GMDS: variants seen among roughly 807,000 people sequenced by gnomAD.
GMDS encodes the protein GDP-mannose 4,6 dehydratase.
Under a neutral mutation model 49.9 loss-of-function variants are expected in GMDS, and 20 were observed. The observed-to-expected ratio is 0.40, with a 90% CI of 0.28 to 0.58. The LOEUF (loss-of-function observed/expected upper bound fraction) is 0.58. Ranked by LOEUF, GMDS falls within the 20% of genes least tolerant of loss-of-function variation. The pLI, the probability that GMDS is intolerant of heterozygous loss-of-function variation, is 0.42. For synonymous variants in GMDS, 177 were observed against 178.6 expected, an observed-to-expected ratio of 0.99 and a Z score of 0.07; for missense variants, 362 against 481.4, an observed-to-expected ratio of 0.75 and a Z score of 2.32.
At chr6:2,194,212 T>C (rs1779182430) in intron 1 of GMDS, among the ~76,000 whole-genome samples, 1 of 152,146 alleles carries the variant, frequency 6.6e-6, no homozygotes, top group South Asian at 2.1e-4. Context: ...TTAAGGTGCT[T>C]CTGTATTCTC....
chr6:1,929,376 T>C (rs1308094403), intron 7 of GMDS, among the ~76,000 whole-genome samples: 2 of 152,156 alleles, frequency 1.3e-5, no homozygotes, highest in African/African-American at 4.8e-5. Flanking sequence ...AGAACCAACA[T>C]GGATATTTAA....
chr6:1,767,155 C>T (rs546508518), intron 7 of GMDS, among the ~76,000 whole-genome samples: 1 of 152,220 alleles, frequency 6.6e-6, no homozygotes, highest in South Asian at 2.1e-4. Context: ...ATGTAAACCA[C>T]AAAGGGAATA....
In GMDS at chr6:1,833,922, G is replaced by A. The variant is rs3800086; in HGVS notation, c.772-91336C>T. Among the ~76,000 whole-genome samples the A allele has an allele frequency of 0.074, 11,310 of 152,066 alleles. 463 individuals carry two copies. The highest frequency in any genetic ancestry group is 0.11 in the South Asian group (548 of 4,822). On this transcript the variant is annotated intron_variant, in intron 7 of 10. Transcript: ENST00000380815. This position sits in a 1 kb window ranked among gnomAD's most constrained non-coding sequence, Gnocchi z 4.4. ...TCCTTAAAATCACAATGCATATATC[G>A]CATCAAATCCATAGAACAACTCTAA...
At chr6:1,970,336 A>G (rs1764528080) in intron 4 of GMDS, among the ~76,000 whole-genome samples, 1 of 152,224 alleles carries the variant, frequency 6.6e-6, no homozygotes, top group South Asian at 2.1e-4. Context: ...ACGTTCCATC[A>G]TGAACCAGTT....
At chr6:1,648,802 G>A (rs927413866) in intron 9 of GMDS, among the ~76,000 whole-genome samples, 7 of 152,216 alleles carry the variant, frequency 4.6e-5, no homozygotes, top group East Asian at 1.9e-4. Context: ...CTATTACGGC[G>A]ATCACTGGCC....
intron 9 of GMDS, among the ~76,000 whole-genome samples, chr6:1,680,521 G>C (rs1004641500): frequency 7.5e-6 from 1 of 132,578 alleles, no homozygotes; most frequent in African/African-American, 2.7e-5. Context: ...GTTCTGATCC[G>C]GCACCGTGAC....
At chr6:1,812,653 A>T (rs1561820018) in intron 7 of GMDS, among the ~76,000 whole-genome samples, 1 of 151,812 alleles carries the variant, frequency 6.6e-6, no homozygotes, top group Non-Finnish European at 1.5e-5. Flanking sequence ...CAGTTCCCAA[A>T]CCCCCCACCG....
chr6:2,118,153 G>A (rs955408506), intron 2 of GMDS, among the ~76,000 whole-genome samples: 2 of 152,000 alleles, frequency 1.3e-5, no homozygotes, highest in East Asian at 1.9e-4. Flanking sequence ...AACGAAGAGA[G>A]GATTCTTAAA....
At chr6:1,722,327 T>C (rs372586699) in intron 9 of GMDS, among the ~76,000 whole-genome samples, 2 of 151,208 alleles carry the variant, frequency 1.3e-5, no homozygotes, top group African/African-American at 4.9e-5. Flanking sequence ...GACCTTGTGA[T>C]CTGCCCGCCT....
intron 9 of GMDS, among the ~76,000 whole-genome samples, chr6:1,654,563 A>C (rs941439559): frequency 6.6e-6 from 1 of 152,232 alleles, no homozygotes; most frequent in Non-Finnish European, 1.5e-5. Context: ...AGAGTAGTCA[A>C]ATTCATAAAG....
intron 1 of GMDS, among the ~76,000 whole-genome samples, chr6:2,126,361 G>A (rs541706642): frequency 6.6e-6 from 1 of 152,142 alleles, no homozygotes; most frequent in Admixed American, 6.5e-5. Flanking sequence ...GGTTTTCTTC[G>A]GTTTCTTCAA....
At chr6:2,066,578 G>A (rs570600541) in intron 4 of GMDS, among the ~76,000 whole-genome samples, 2 of 151,832 alleles carry the variant, frequency 1.3e-5, no homozygotes, top group East Asian at 1.9e-4. Flanking sequence ...GATCTACCAA[G>A]CAAATGGAAA....
Position 1,635,881 on chromosome 6 carries a change from A to G in GMDS, c.988-11341T>C, listed in dbSNP as rs1361864939. 6.6e-6 allele frequency among the ~76,000 whole-genome samples: 1 copy of G among 152,148 alleles called. No individual in the cohort carries two copies. Among genetic ancestry groups the G allele is most frequent in the Non-Finnish European group, 1.5e-5 (1 of 68,020 alleles). ...CGGCACCTCCAGCACTGCGTCTGGG[A>G]GCTGCTCTTCTCTGCTCTCAGCTGG... is the stretch of plus-strand genomic sequence containing the variant. On this transcript the variant is annotated intron_variant, in intron 9 of 10. Coordinates refer to ENST00000380815, the MANE Select transcript of GMDS (RefSeq NM_001500.4). The surrounding 1 kb of genome is among the most constrained non-coding windows in gnomAD (Gnocchi z 4.7).
intron 1 of GMDS, among the ~76,000 whole-genome samples, chr6:2,229,988 TAC>T (rs1279133829): frequency 2.7e-5 from 4 of 146,668 alleles, no homozygotes; most frequent in African/African-American, 1.1e-4. Flanking sequence ...CCTATTCCAC[TAC>T]AGGCTTTGCG....
chr6:1,985,216 G>T (rs759725941), intron 4 of GMDS, among the ~76,000 whole-genome samples: 4 of 152,186 alleles, frequency 2.6e-5, no homozygotes, highest in Non-Finnish European at 5.9e-5. Context: ...GAACAGAGCT[G>T]TTAGATTTCC....
intron 8 of GMDS, among the ~76,000 whole-genome samples, chr6:1,739,195 G>C (rs1434068234): frequency 6.6e-6 from 1 of 152,186 alleles, no homozygotes; most frequent in African/African-American, 2.4e-5. Flanking sequence ...AAAGGAAAGA[G>C]GAGCGTCTTG....
chr6:2,199,382 A>C (rs1401404748), intron 1 of GMDS, among the ~76,000 whole-genome samples: 4 of 152,244 alleles, frequency 2.6e-5, no homozygotes, highest in Non-Finnish European at 4.4e-5. Context: ...TATAAAATAC[A>C]AATCAAATGT....
intron 9 of GMDS, among the ~76,000 whole-genome samples, chr6:1,696,923 C>A (rs1448007682): frequency 6.6e-6 from 1 of 152,184 alleles, no homozygotes; most frequent in Non-Finnish European, 1.5e-5. Flanking sequence ...CCATCTGTGA[C>A]CCTGGGGTAA....
chr6:1,960,685 G>T, intron 5 of GMDS, 89 bp downstream of exon 5: 1 of 815,932 alleles, frequency 1.2e-6, no homozygotes, highest in Non-Finnish European at 1.9e-6. Flanking sequence ...TCAGCTGTGA[G>T]ACATGAACAG....
Sources: allele counts gnomAD v4.1 joint callset (sites outside exome capture counted in the v4.1 genomes callset), GRCh38; gene constraint gnomAD v4.1.1; non-coding constraint Gnocchi (gnomAD v3.1); transcripts MANE v1.5; gene names NCBI Gene and HGNC (gene_info 2026-07-23, HGNC 2026-07-21).